The following CSRP2 variants were observed in gnomAD, a reference collection of about 807,000 sequenced individuals.
CSRP2 encodes cysteine and glycine rich protein 2.
Under a neutral mutation model 24.6 loss-of-function variants are expected in CSRP2, and 18 were observed. The observed-to-expected ratio is 0.73, with a 90% confidence interval of 0.51 to 1.09. The LOEUF is 1.09. CSRP2 is among the 50% of genes least tolerant of loss of function. The probability of loss-of-function intolerance (pLI) is 0.00; values close to 1 mark genes in which losing one functional copy is unlikely to be tolerated. For synonymous variants in CSRP2, 87 were observed against 84.3 expected, an observed-to-expected ratio of 1.03 and a Z score of -0.18; for missense variants, 215 against 239.4, an observed-to-expected ratio of 0.90 and a Z score of 0.67.
intron 1 of CSRP2, among the ~76,000 whole-genome samples, chr12:76,874,826 C>G (rs755153589): frequency 1.3e-5 from 2 of 152,098 alleles, no homozygotes; most frequent in Non-Finnish European, 2.9e-5. Context: ...GGTGCCCACT[C>G]GTTACGAGAA....
intron 3 of CSRP2, 29 bp from the exon 4 acceptor site, chr12:76,860,442 C>T: frequency 6.2e-7 from 1 of 1,609,598 alleles, no homozygotes. Flanking sequence ...AAAAAGTAGG[C>T]AAGAGTTTCC....
chr12:76,873,866 T>C lies in CSRP2; in HGVS notation c.-2+5072A>G, dbSNP rs527284733. Among the ~76,000 whole-genome samples the C allele has an allele frequency of 3.9e-5, 6 of 152,314 alleles. No individual in the cohort carries two copies. The South Asian group carries it at 6.2e-4, about 16-fold the overall frequency. ...CCATCCAGCTAACTTCATTTCTGTA[T>C]CTCAAGTAATTTTTCTAGGGTAGAG... On this transcript the variant is annotated intron_variant, in intron 1 of 5. Transcript: ENST00000311083.
rs1261747210 is a variant in CSRP2 at position 76,860,423 on chromosome 12, AG to A, written c.282-11del. 4 of 1,560,662 alleles carry A rather than the reference AG, an allele frequency of 2.6e-6. No individual in the cohort carries two copies. Among genetic ancestry groups the A allele is most frequent in the Admixed American group, 1.9e-5 (1 of 53,480 alleles). On this transcript the variant is annotated splice_polypyrimidine_tract_variant and intron_variant, in intron 3 of 5. Coordinates refer to ENST00000311083, the MANE Select transcript of CSRP2 (RefSeq NM_001321.3). Reference sequence around the variant, plus strand: ...CCTGTGAGGCTGAACACTTGTGAAAAGAGGAAAAAAAAAGTAGGCAAGAGTT... The same window carrying A: ...CCTGTGAGGCTGAACACTTGTGAAAAAGGAAAAAAAAAGTAGGCAAGAGTT...
chr12:76,874,852 T>C (rs563333631), intron 1 of CSRP2, among the ~76,000 whole-genome samples: 9 of 152,216 alleles, frequency 5.9e-5, no homozygotes, highest in Non-Finnish European at 8.8e-5. Flanking sequence ...TGCCTGGTGA[T>C]CTGAGATGGA....
intron 3 of CSRP2, chr12:76,861,959 C>T (rs7135903): frequency 0.57 from 86,503 of 152,046 alleles, 24,741 homozygotes; most frequent in East Asian, 0.67. Flanking sequence ...GGTTAAGTTC[C>T]AGGCTCTACA....
Position 76,863,259 on chromosome 12 carries a change from A to T in CSRP2, c.198T>A (p.Tyr66Ter), listed in dbSNP as rs774911902. ...IYCKSCYGKK[Y>*]GPKGYGYGQG... ...GGCCATAACCGTAGCCTTTTGGCCC[A>T]TACTTCTTTCCGTAGCAGGATTTGC... is the stretch of plus-strand genomic sequence containing the variant. The change falls in exon 3 of 6, where the codon TAT becomes TAA. Residue 66 changes from tyrosine (Y) to a stop codon, truncating the protein, a stop_gained. Coordinates refer to ENST00000311083, the MANE Select transcript of CSRP2 (RefSeq NM_001321.3). LOFTEE classifies it high-confidence loss of function. 2 of 1,614,230 alleles carry T rather than the reference A, an allele frequency of 1.2e-6. No individual in the cohort carries two copies. Among genetic ancestry groups the T allele is most frequent in the Non-Finnish European group, 1.7e-6 (2 of 1,180,026 alleles).
chr12:76,868,673 C>T (rs896539860), intron 1 of CSRP2, among the ~76,000 whole-genome samples: 6 of 152,188 alleles, frequency 3.9e-5, no homozygotes, highest in Admixed American at 2.6e-4. Context: ...TGGCCAGGTG[C>T]GGTGGCTCAA....
intron 4 of CSRP2, 24 bp downstream of exon 4, chr12:76,860,260 T>G: frequency 6.2e-7 from 1 of 1,609,916 alleles, no homozygotes; most frequent in Non-Finnish European, 8.5e-7. Flanking sequence ...CATTTGCTGT[T>G]ATTAATTCCA....
chr12:76,861,255 CA>C (rs1195262584), intron 3 of CSRP2: 1 of 151,166 alleles, frequency 6.6e-6, no homozygotes, highest in African/African-American at 2.4e-5. Flanking sequence ...ACTGGAAAAA[CA>C]ATGTCTTCCT....
Position 76,860,300 on chromosome 12 carries a change from A to G in CSRP2, c.395T>C (p.Ile132Thr). Residue 132 changes from isoleucine (I) to threonine (T), a missense_variant, in exon 4 of 6, where the codon ATA becomes ACA. Ile to Thr is a moderately conservative substitution (Grantham distance 89). Transcript: ENST00000311083. The stretch of plus-strand genomic sequence containing the variant: ...GCACTTTACCTTTCCAGCTCCAATT[A>G]TCTTCTCGGCAGCATATACAGAATC... ...CGDSVYAAEK[I>T]IGAGKPWHKN... 1 of 1,613,900 alleles carries G rather than the reference A, an allele frequency of 6.2e-7. No homozygotes were observed. The highest frequency in any genetic ancestry group is 1.1e-5 in the South Asian group (1 of 91,038).
intron 1 of CSRP2, 56 bp from the exon 2 acceptor site, chr12:76,866,317 G>T: frequency 7.1e-7 from 1 of 1,408,002 alleles, no homozygotes; most frequent in Non-Finnish European, 1.0e-6. Flanking sequence ...CGGCTCCCTA[G>T]AGGGCTATTT....
chr12:76,862,087 A>G (rs1374410490), intron 3 of CSRP2: 1 of 152,230 alleles, frequency 6.6e-6, no homozygotes. Context: ...TACACGAGTT[A>G]ACATATGCTA....
rs562967601 is a variant in CSRP2, at chr12:76,860,662, T to C, written c.282-249A>G. On this transcript the variant is annotated intron_variant, in intron 3 of 5. Coordinates refer to ENST00000311083, the MANE Select transcript of CSRP2 (RefSeq NM_001321.3). ...AGATAGGGACCCAAACGTAAAGATC[T>C]GTCCCTCTGAGTCTAAACAGAATTC... 7 of 345,978 alleles carry C rather than the reference T, an allele frequency of 2.0e-5. No homozygotes were observed. In the South Asian group the frequency reaches 4.6e-4, roughly 23 times the overall value. The allele number at this position is 345,978 out of a possible 1,614,324, so 21.4% of individuals were successfully genotyped here. A position where few individuals can be genotyped will look rare whatever the true frequency, so the allele number is the denominator to read the frequency against.
intron 1 of CSRP2, among the ~76,000 whole-genome samples, chr12:76,869,529 A>AACAC (rs57542492): frequency 0.11 from 14,584 of 135,230 alleles, 863 homozygotes; most frequent in South Asian, 0.14. Flanking sequence ...TAAAACAAAC[A>AACAC]ACACACACAC....
chr12:76,860,670 T>C (rs1206056085), intron 3 of CSRP2: 4 of 325,456 alleles, frequency 1.2e-5, no homozygotes, highest in Non-Finnish European at 2.3e-5. Context: ...TCTGTCCCTC[T>C]GAGTCTAAAC....
At position 76,869,529 on chromosome 12, in the gene CSRP2, A is replaced by AACACACACACACACACACACAC. The variant is rs57542492; in HGVS notation, c.-1-3290_-1-3269dup. On this transcript the variant is annotated intron_variant, in intron 1 of 5. Coordinates refer to ENST00000311083, the MANE Select transcript of CSRP2 (RefSeq NM_001321.3). ...GGAGCTCCTGTTCCTTAAAACAAAC[A>AACACACACACACACACACACAC]ACACACACACACACACACACACACA... 1.3e-3 allele frequency among the ~76,000 whole-genome samples: 178 copies of AACACACACACACACACACACAC among 135,414 alleles called. 1 individual carries two copies. Among genetic ancestry groups the AACACACACACACACACACACAC allele is most frequent in the Non-Finnish European group, 1.7e-3 (107 of 63,646 alleles). 88.8% of individuals were successfully genotyped at this position (135,414 alleles called of 152,430 possible).
At chr12:76,871,718 A>G (rs1278035134) in intron 1 of CSRP2, among the ~76,000 whole-genome samples, 1 of 150,790 alleles carries the variant, frequency 6.6e-6, no homozygotes, top group Non-Finnish European at 1.5e-5. Flanking sequence ...GAGCCGAGAT[A>G]GTGCCACTGC....
intron 1 of CSRP2, among the ~76,000 whole-genome samples, chr12:76,870,962 G>A (rs1365824394): frequency 9.8e-6 from 1 of 102,164 alleles, no homozygotes; most frequent in Admixed American, 1.5e-4. Context: ...AACAGAGCAA[G>A]ATGACCCTGT....
chr12:76,860,656 A>G, intron 3 of CSRP2: 1 of 367,706 alleles, frequency 2.7e-6, no homozygotes. Flanking sequence ...CCCAAACGTA[A>G]AGATCTGTCC....
Sources: gnomAD v4.1 joint callset for allele counts (sites outside exome capture counted in the v4.1 genomes callset) on GRCh38, gnomAD v4.1.1 for gene constraint, MANE v1.5 for transcripts, NCBI Gene and HGNC (gene_info 2026-07-23, HGNC 2026-07-21) for gene names.